IMPACT: variants seen among roughly 807,000 people sequenced by gnomAD.
IMPACT encodes protein IMPACT.
IMPACT carries 35 observed loss-of-function variants against 47.5 expected under a neutral mutation model. The observed-to-expected ratio is 0.74, with a 90% CI of 0.56 to 0.98. The LOEUF (loss-of-function observed/expected upper bound fraction) is 0.98. IMPACT is among the 50% of genes least tolerant of loss of function. IMPACT has a pLI of 0.00. For synonymous variants in IMPACT, 118 were observed against 125.6 expected (o/e 0.94, Z 0.40); for missense variants, 373 against 394.8 (o/e 0.94, Z 0.47).
intron 4 of IMPACT, 144 bp downstream of exon 4, chr18:24,430,528 C>T (rs1244062427): frequency 5.0e-5 from 25 of 504,424 alleles, no homozygotes; most frequent in Middle Eastern, 4.3e-4. Flanking sequence ...TTGAAGAGAC[C>T]TCGAAAGGTT....
At chr18:24,447,957 A>G (rs1387752860) in intron 8 of IMPACT, 136 bp from the exon 9 acceptor site, 6 of 568,638 alleles carry the variant, frequency 1.1e-5, no homozygotes, top group Non-Finnish European at 1.6e-5. Flanking sequence ...ATCTAATATA[A>G]TACATATTTC....
At chr18:24,432,750 A>G (rs1427870095) in intron 4 of IMPACT, among the ~76,000 whole-genome samples, 1 of 151,718 alleles carries the variant, frequency 6.6e-6, no homozygotes, top group Non-Finnish European at 1.5e-5. Flanking sequence ...TTTGTTCACC[A>G]TTAACACCAG....
chr18:24,443,981 T>C (rs971168353), intron 7 of IMPACT, among the ~76,000 whole-genome samples: 2 of 152,200 alleles, frequency 1.3e-5, no homozygotes, highest in Admixed American at 1.3e-4. Context: ...CTTTGGTCTT[T>C]GCAGCTACCC....
chr18:24,451,522 T>C lies in IMPACT; in HGVS notation c.*675T>C, dbSNP rs1331540421. On this transcript the variant is annotated 3_prime_UTR_variant, in exon 11 of 11. Transcript: ENST00000284202. ...GAAATTACAGAAAGTGATTTTCTAGTCTGCTTTTTTTGTTTAATTCTTGTA... is the reference window on the plus strand; with the variant it reads ...GAAATTACAGAAAGTGATTTTCTAGCCTGCTTTTTTTGTTTAATTCTTGTA... 6.6e-6 allele frequency: 1 copy of C among 152,260 alleles called. No individual in the cohort carries two copies. Among genetic ancestry groups the C allele is most frequent in the Admixed American group, 6.5e-5 (1 of 15,286 alleles). 9.4% of individuals were successfully genotyped at this position (152,260 alleles called of 1,614,324 possible). A position where few individuals can be genotyped will look rare whatever the true frequency, so the allele number is the denominator to read the frequency against.
rs1266582737 is a variant in IMPACT, at chr18:24,450,883, A to G, written c.*36A>G. ...TATAGGAAAGGTTAATTTGCCTATAATTATATATACATTCCATAGTCATCA... is the reference window on the plus strand; with the variant it reads ...TATAGGAAAGGTTAATTTGCCTATAGTTATATATACATTCCATAGTCATCA... On this transcript the variant is annotated 3_prime_UTR_variant, in exon 11 of 11. Transcript: ENST00000284202. 2 of 1,214,122 alleles carry G rather than the reference A, an allele frequency of 1.6e-6. No homozygotes were observed. The highest frequency in any genetic ancestry group is 1.5e-5 in the African/African-American group (1 of 67,274). 75.2% of individuals were successfully genotyped at this position (1,214,122 alleles called of 1,614,324 possible).
chr18:24,427,032 C>T, intron 1 of IMPACT: 1 of 389,274 alleles, frequency 2.6e-6, no homozygotes, highest in East Asian at 3.6e-5. Context: ...CCTCGTCAAC[C>T]ATTAACACGC....
rs1258489158 is a variant in IMPACT, at chr18:24,443,069, C to A, written c.511C>A (p.Pro171Thr). 3 of 1,588,840 alleles carry A rather than the reference C, an allele frequency of 1.9e-6. No individual in the cohort carries two copies. The East Asian group carries it at 6.8e-5, about 36-fold the overall frequency. ...TRTEVEVEEL[P>T]PIDHGIPITD... ...TCTAGAAGTAGAAGTAGAAGAATTA[C>A]CTCCGATTGATCATGGCATTCCTAT... The change falls in exon 7 of 11, where the codon CCT (proline) becomes ACT (threonine). Residue 171 changes from proline (P) to threonine (T), a missense_variant. By Grantham distance (38) the Pro-to-Thr change is conservative (BLOSUM62 -1). Coordinates refer to ENST00000284202, the MANE Select transcript of IMPACT (RefSeq NM_018439.4).
At chr18:24,433,624 C>T (rs1908823202) in intron 4 of IMPACT, among the ~76,000 whole-genome samples, 1 of 151,360 alleles carries the variant, frequency 6.6e-6, no homozygotes, top group Non-Finnish European at 1.5e-5. Flanking sequence ...CAGGCACATA[C>T]ACCACACCTG....
intron 7 of IMPACT, among the ~76,000 whole-genome samples, chr18:24,444,632 A>G (rs754603535): frequency 3.3e-5 from 5 of 152,288 alleles, no homozygotes; most frequent in Non-Finnish European, 7.4e-5. Flanking sequence ...CATCTCATTC[A>G]TACTCTAAGT....
rs976355454 is a variant in IMPACT at position 24,434,860 on chromosome 18, GTATATATA to G, written c.282-3093_282-3086del. Among the ~76,000 whole-genome samples, 101 of 130,880 alleles carry G rather than the reference GTATATATA, an allele frequency of 7.7e-4. 1 individual carries two copies. Among genetic ancestry groups the G allele is most frequent in the African/African-American group, 3.0e-3 (94 of 31,250 alleles). 85.9% of individuals were successfully genotyped at this position (130,880 alleles called of 152,430 possible). ...TATATATATGTGTGTATATATATGT[GTATATATA>G]TGTGTATATATATGTGTATATATAT... On this transcript the variant is annotated intron_variant, in intron 4 of 10. Transcript: ENST00000284202.
At chr18:24,437,165 G>A (rs919333758) in intron 4 of IMPACT, among the ~76,000 whole-genome samples, 3 of 152,068 alleles carry the variant, frequency 2.0e-5, no homozygotes, top group African/African-American at 7.2e-5. Context: ...AAGGAGGTGA[G>A]GTGTTGCTAT....
chr18:24,441,543 C>T (rs1909113519), intron 6 of IMPACT, among the ~76,000 whole-genome samples: 1 of 152,058 alleles, frequency 6.6e-6, no homozygotes, highest in African/African-American at 2.4e-5. Context: ...AAATAGGTTG[C>T]TGTGATATTA....
chr18:24,441,514 C>T (rs942165911), intron 6 of IMPACT, among the ~76,000 whole-genome samples: 2 of 152,024 alleles, frequency 1.3e-5, no homozygotes, highest in Admixed American at 6.6e-5. Context: ...GTTTCGTAAT[C>T]GAGTAGTATT....
chr18:24,445,153 G>A (rs1023615892), intron 7 of IMPACT, among the ~76,000 whole-genome samples: 8 of 152,114 alleles, frequency 5.3e-5, no homozygotes, highest in African/African-American at 1.9e-4. Flanking sequence ...TAGTAGTACC[G>A]AAATATTTGT....
intron 4 of IMPACT, among the ~76,000 whole-genome samples, chr18:24,437,052 A>C (rs1343931063): frequency 6.6e-6 from 1 of 151,606 alleles, no homozygotes; most frequent in Non-Finnish European, 1.5e-5. Flanking sequence ...AGAATTATTT[A>C]AAAACAATGT....
rs569194757 is a variant in IMPACT, at chr18:24,451,859, T to C, written c.*1012T>C. On this transcript the variant is annotated 3_prime_UTR_variant, in exon 11 of 11. Transcript: ENST00000284202. ...CAGAGAGAAGGAGCAAACCTTTTCA[T>C]TGGAAAAACAGAAACAACCCTCCCC... is the stretch of plus-strand genomic sequence containing the variant. 6.6e-6 allele frequency: 1 copy of C among 152,280 alleles called. No homozygotes were observed. The highest frequency in any genetic ancestry group is 2.4e-5 in the African/African-American group (1 of 41,548). 9.4% of individuals were successfully genotyped at this position (152,280 alleles called of 1,614,324 possible). A position where few individuals can be genotyped will look rare whatever the true frequency, so the allele number is the denominator to read the frequency against.
chr18:24,439,381 A>G (rs1298356123), intron 5 of IMPACT, among the ~76,000 whole-genome samples: 2 of 152,020 alleles, frequency 1.3e-5, no homozygotes, highest in African/African-American at 2.4e-5. Context: ...AAATACAAGA[A>G]TTACCCAGCA....
intron 8 of IMPACT, among the ~76,000 whole-genome samples, chr18:24,445,704 T>C (rs929885003): frequency 5.9e-5 from 9 of 152,214 alleles, no homozygotes; most frequent in Non-Finnish European, 1.0e-4. Context: ...CTCTGCAAAG[T>C]TTAATTTTTC....
chr18:24,439,944 C>G (rs893551158), intron 5 of IMPACT, among the ~76,000 whole-genome samples: 2 of 152,150 alleles, frequency 1.3e-5, no homozygotes, highest in African/African-American at 2.4e-5. Flanking sequence ...TCCTGTTTCT[C>G]CTTAAACTTT....
Sources: allele counts gnomAD v4.1 joint callset (sites outside exome capture counted in the v4.1 genomes callset), GRCh38; gene constraint gnomAD v4.1.1; transcripts MANE v1.5; gene names NCBI Gene and HGNC (gene_info 2026-07-23, HGNC 2026-07-21).